EZR: variants seen among roughly 807,000 people sequenced by gnomAD.
EZR encodes cytovillin 2.
In EZR, 40 loss-of-function variants were observed where a neutral mutation model predicts 74.8. The observed-to-expected ratio is 0.53, with a 90% CI of 0.42 to 0.70. The LOEUF (loss-of-function observed/expected upper bound fraction) is 0.70. Ranked by LOEUF, EZR falls within the 30% of genes least tolerant of loss-of-function variation. EZR has a pLI of 0.00. For missense variants in EZR, 678 were observed against 755.8 expected (o/e 0.90, Z 1.21); for synonymous variants, 341 against 283.3 (o/e 1.20, Z -2.05).
chr6:158,791,004 C>T (rs1039136651), intron 2 of EZR, among the ~76,000 whole-genome samples: 17 of 152,256 alleles, frequency 1.1e-4, no homozygotes, highest in Admixed American at 9.8e-4. Context: ...ACAGAGGTTT[C>T]GTTATCCAGC....
intron 1 of EZR, among the ~76,000 whole-genome samples, chr6:158,818,994 G>A (rs1583596670): frequency 3.3e-5 from 5 of 152,180 alleles, no homozygotes; most frequent in Admixed American, 3.3e-4. Context: ...TTGCCCCGCG[G>A]CTGCAGTCAC....
At chr6:158,795,155 GGA>G (rs1374115993) in intron 2 of EZR, among the ~76,000 whole-genome samples, 1 of 152,244 alleles carries the variant, frequency 6.6e-6, no homozygotes, top group Non-Finnish European at 1.5e-5. Flanking sequence ...AGGAGGCTGA[GGA>G]GAGAGAATCG....
chr6:158,784,838 A>C (rs1791527897), intron 5 of EZR, 111 bp from the exon 6 acceptor site: 5 of 822,910 alleles, frequency 6.1e-6, no homozygotes, highest in African/African-American at 1.7e-5. Flanking sequence ...AAATCAATCA[A>C]TCCCAAAGAG....
Position 158,803,569 on chromosome 6 carries a change from AT to A in EZR, c.13-14199del, listed in dbSNP as rs1562504435. ...TGTATATATATATATATATATATAT[AT>A]ATATATATATACATATATATATATA... On this transcript the variant is annotated intron_variant, in intron 2 of 13. Coordinates refer to ENST00000367075, the MANE Select transcript of EZR (RefSeq NM_001111077.2). 5.5e-3 allele frequency among the ~76,000 whole-genome samples: 30 copies of A among 5,420 alleles called. 3 individuals carry two copies. The highest frequency in any genetic ancestry group is 0.015 in the African/African-American group (21 of 1,368). 3.6% of individuals were successfully genotyped at this position (5,420 alleles called of 152,430 possible).
rs1247384049 is a variant in EZR, at chr6:158,784,548, C to A, written c.551+96G>T. On this transcript the variant is annotated intron_variant, in intron 6 of 13. Coordinates refer to ENST00000367075, the MANE Select transcript of EZR (RefSeq NM_001111077.2). The stretch of plus-strand genomic sequence containing the variant: ...CCCTCAAGGTCTTCACAAGGCCTGA[C>A]ACAGAGCCCTTTAAAGCACTAACTA... 2.7e-6 allele frequency: 3 copies of A among 1,129,712 alleles called. No individual in the cohort carries two copies. The Admixed American group carries it at 5.5e-5, about 21-fold the overall frequency. 70.0% of individuals were successfully genotyped at this position (1,129,712 alleles called of 1,614,324 possible). A position where few individuals can be genotyped will look rare whatever the true frequency, so the allele number is the denominator to read the frequency against.
chr6:158,804,870 G>A (rs58980561), intron 2 of EZR, among the ~76,000 whole-genome samples: 5,652 of 148,906 alleles, frequency 0.038, 356 homozygotes, highest in African/African-American at 0.13. Context: ...CCACTAACTC[G>A]TCATCTAGCA....
chr6:158,804,220 TTG>T (rs1324417320), intron 2 of EZR, among the ~76,000 whole-genome samples: 2 of 152,006 alleles, frequency 1.3e-5, no homozygotes, highest in Non-Finnish European at 2.9e-5. Context: ...ATAACATACA[TTG>T]TGTGTTATCT....
intron 7 of EZR, among the ~76,000 whole-genome samples, chr6:158,782,021 A>C (rs1791446520): frequency 6.6e-6 from 1 of 152,052 alleles, no homozygotes; most frequent in African/African-American, 2.4e-5. Flanking sequence ...GGCCTCCCAG[A>C]GTGCTGGGAT....
At chr6:158,813,096 A>AC (rs1236716548) in intron 2 of EZR, among the ~76,000 whole-genome samples, 2 of 152,132 alleles carry the variant, frequency 1.3e-5, no homozygotes, top group East Asian at 3.8e-4. Flanking sequence ...ACTAAAAAAC[A>AC]CCCAAGAATG....
chr6:158,803,436 C>T (rs551432110), intron 2 of EZR, among the ~76,000 whole-genome samples: 1 of 149,100 alleles, frequency 6.7e-6, no homozygotes, highest in African/African-American at 2.5e-5. Context: ...TTTAACATTA[C>T]TCCTAAAATA....
intron 7 of EZR, among the ~76,000 whole-genome samples, chr6:158,776,881 T>C (rs916802999): frequency 1.3e-5 from 2 of 152,174 alleles, no homozygotes; most frequent in African/African-American, 4.8e-5. Flanking sequence ...CTACCTCTCA[T>C]CCTGCCAGAG....
At position 158,766,334 on chromosome 6, in the gene EZR, C is replaced by T. The variant is rs1307848940; in HGVS notation, c.*580G>A. The T allele has an allele frequency of 1.3e-5, 2 of 151,868 alleles. No individual in the cohort carries two copies. Among genetic ancestry groups the T allele is most frequent in the Admixed American group, 6.6e-5 (1 of 15,202 alleles). The allele number at this position is 151,868 out of a possible 1,614,324, so 9.4% of individuals were successfully genotyped here. A position where few individuals can be genotyped will look rare whatever the true frequency, so the allele number is the denominator to read the frequency against. On this transcript the variant is annotated 3_prime_UTR_variant, in exon 14 of 14. Coordinates refer to ENST00000367075, the MANE Select transcript of EZR (RefSeq NM_001111077.2). ...AAAACAAAAAAAAAAATCCAAGTGTCCTCCTCCACCACTCACGCTGGTGAT... is the reference window on the plus strand; with the variant it reads ...AAAACAAAAAAAAAAATCCAAGTGTTCTCCTCCACCACTCACGCTGGTGAT...
intron 1 of EZR, among the ~76,000 whole-genome samples, chr6:158,819,043 A>G (rs1295686556): frequency 6.6e-6 from 1 of 152,084 alleles, no homozygotes; most frequent in Non-Finnish European, 1.5e-5. Context: ...AAAAACTGCA[A>G]CCGCTCGGGA....
intron 7 of EZR, among the ~76,000 whole-genome samples, chr6:158,780,448 G>A (rs1362452686): frequency 6.6e-6 from 1 of 152,124 alleles, no homozygotes; most frequent in Non-Finnish European, 1.5e-5. Context: ...TGTGTTAGAG[G>A]GCCAGAGGGT....
At chr6:158,799,132 T>C (rs186223304) in intron 2 of EZR, among the ~76,000 whole-genome samples, 2 of 152,192 alleles carry the variant, frequency 1.3e-5, no homozygotes, top group East Asian at 3.9e-4. Flanking sequence ...TCACACCCCT[T>C]TGAAGTCATT....
In EZR at chr6:158,766,830, A is replaced by G. The variant is rs1790884177; in HGVS notation, c.*84T>C. On this transcript the variant is annotated 3_prime_UTR_variant, in exon 14 of 14. Coordinates refer to ENST00000367075, the MANE Select transcript of EZR (RefSeq NM_001111077.2). Reference sequence around the variant, plus strand: ...AACTGGGATCTGAGGGAGTTCCTAGACTTGGAGCACTAAAGACACAAGCGT... The same window carrying G: ...AACTGGGATCTGAGGGAGTTCCTAGGCTTGGAGCACTAAAGACACAAGCGT... The G allele has an allele frequency of 3.0e-6, 4 of 1,313,520 alleles. No individual in the cohort carries two copies. The East Asian group carries it at 7.1e-5, about 23-fold the overall frequency. 81.4% of individuals were successfully genotyped at this position (1,313,520 alleles called of 1,614,324 possible).
At chr6:158,798,525 C>T (rs1027371295) in intron 2 of EZR, among the ~76,000 whole-genome samples, 7 of 151,748 alleles carry the variant, frequency 4.6e-5, no homozygotes, top group African/African-American at 7.3e-5. Context: ...TGCTTCTGGG[C>T]GCTATGGGGT....
intron 2 of EZR, among the ~76,000 whole-genome samples, chr6:158,811,249 AG>A (rs1458882576): frequency 6.6e-6 from 1 of 152,228 alleles, no homozygotes; most frequent in Non-Finnish European, 1.5e-5. Context: ...GGGAGTCTCA[AG>A]GTAGTTACTA....
chr6:158,796,797 C>T (rs1405439754), intron 2 of EZR, among the ~76,000 whole-genome samples: 1 of 152,230 alleles, frequency 6.6e-6, no homozygotes, highest in African/African-American at 2.4e-5. Context: ...CTCCACTTCA[C>T]AGATTGTTCT....
Sources: allele counts gnomAD v4.1 joint callset (sites outside exome capture counted in the v4.1 genomes callset), GRCh38; gene constraint gnomAD v4.1.1; transcripts MANE v1.5; gene names NCBI Gene and HGNC (gene_info 2026-07-23, HGNC 2026-07-21).